Variants in PCDH15 observed in about 807,000 individuals in gnomAD.
PCDH15 encodes the protein protocadherin related 15.
PCDH15 carries 129 observed loss-of-function variants against 178.5 expected under a neutral mutation model. That is an observed-to-expected ratio of 0.72 (90% CI 0.63 to 0.84). The LOEUF is 0.84. PCDH15 is among the 40% of genes least tolerant of loss of function. PCDH15 has a pLI of 0.00. For synonymous variants in PCDH15, 800 were observed against 732.0 expected (o/e 1.09, Z -1.50); for missense variants, 2,230 against 2,099.9 (o/e 1.06, Z -1.21).
At chr10:55,141,019 C>T (rs900236794) in intron 2 of PCDH15, among the ~76,000 whole-genome samples, 18 of 151,918 alleles carry the variant, frequency 1.2e-4, no homozygotes, top group African/African-American at 3.9e-4. Flanking sequence ...TTTTATTTTT[C>T]CTTTTTTAAA....
At position 53,806,833 on chromosome 10, in the gene PCDH15, C is replaced by T. The variant is rs757435335; in HGVS notation, c.4969G>A (p.Gly1657Arg). The change falls in exon 38 of 38, where the codon GGG becomes AGG. Residue 1657 changes from glycine (G) to arginine (R), a missense_variant. Coordinates refer to ENST00000644397, the MANE Select transcript of PCDH15 (RefSeq NM_001384140.1). Reference sequence around the variant, plus strand: ...TTCATTTTTTCAGTAGAAAATGGCCCCTTTGATAATGTGTTCAGAGGTACA... The same window carrying T: ...TTCATTTTTTCAGTAGAAAATGGCCTCTTTGATAATGTGTTCAGAGGTACA... The part of the protein sequence containing the change: ...ENVPLNTLSK[G>R]PFSTEKMNAR... 3 of 1,613,840 alleles carry T rather than the reference C, an allele frequency of 1.9e-6. No individual in the cohort carries two copies. The highest frequency in any genetic ancestry group is 2.5e-6 in the Non-Finnish European group (3 of 1,179,818).
At chr10:55,595,515 G>C (rs1388085107) in intron 2 of PCDH15, among the ~76,000 whole-genome samples, 1 of 151,974 alleles carries the variant, frequency 6.6e-6, no homozygotes, top group African/African-American at 2.4e-5. Flanking sequence ...TGAATCACTG[G>C]GCCAAGGACC....
chr10:53,920,646 A>G (rs1004154081), intron 25 of PCDH15, among the ~76,000 whole-genome samples: 4 of 152,190 alleles, frequency 2.6e-5, no homozygotes, highest in Non-Finnish European at 5.9e-5. Flanking sequence ...CTTGAACTTT[A>G]TCTGTTCCTT....
At chr10:54,946,878 C>G (rs1253801055) in intron 2 of PCDH15, among the ~76,000 whole-genome samples, 1 of 151,804 alleles carries the variant, frequency 6.6e-6, no homozygotes, top group Non-Finnish European at 1.5e-5. Context: ...TAATTCAATT[C>G]ACAAAACATT....
At chr10:55,059,140 TG>T (rs1365961766) in intron 2 of PCDH15, among the ~76,000 whole-genome samples, 1 of 152,162 alleles carries the variant, frequency 6.6e-6, no homozygotes, top group African/African-American at 2.4e-5. Flanking sequence ...CAAAGTTAGA[TG>T]GTTTTTAAGA....
At chr10:55,041,639 T>C (rs1840865449) in intron 2 of PCDH15, among the ~76,000 whole-genome samples, 1 of 152,064 alleles carries the variant, frequency 6.6e-6, no homozygotes, top group African/African-American at 2.4e-5. Flanking sequence ...AGGGGGAATA[T>C]TGGTTACTGT....
chr10:54,950,963 T>G (rs1185140788), intron 2 of PCDH15, among the ~76,000 whole-genome samples: 2 of 151,994 alleles, frequency 1.3e-5, no homozygotes, highest in Non-Finnish European at 2.9e-5. Context: ...AAATACAGTT[T>G]GCAAATATTT....
chr10:55,547,401 T>C (rs190550998), intron 2 of PCDH15, among the ~76,000 whole-genome samples: 1 of 152,140 alleles, frequency 6.6e-6, no homozygotes, highest in Non-Finnish European at 1.5e-5. Flanking sequence ...GTAATTGTTC[T>C]GACATGGCAT....
At chr10:55,194,668 T>G (rs1402691441) in intron 1 of PCDH15, among the ~76,000 whole-genome samples, 1 of 151,984 alleles carries the variant, frequency 6.6e-6, no homozygotes, top group Non-Finnish European at 1.5e-5. Flanking sequence ...GAAAAATAAC[T>G]AGCAATATAA....
intron 21 of PCDH15, among the ~76,000 whole-genome samples, chr10:53,962,524 T>C (rs2088468328): frequency 6.6e-6 from 1 of 152,200 alleles, no homozygotes; most frequent in South Asian, 2.1e-4. Context: ...ATGACATTAA[T>C]AATGAAGATG....
chr10:55,277,405 A>G (rs575271418), intron 1 of PCDH15, among the ~76,000 whole-genome samples: 1 of 152,138 alleles, frequency 6.6e-6, no homozygotes, highest in Admixed American at 6.5e-5. Context: ...ATCTATCCAC[A>G]TTTTTCAGTT....
chr10:55,409,926 G>A (rs1246570985), intron 2 of PCDH15, among the ~76,000 whole-genome samples: 1 of 152,048 alleles, frequency 6.6e-6, no homozygotes, highest in Non-Finnish European at 1.5e-5. Context: ...AAGAACTGAA[G>A]GCTATAATTA....
intron 1 of PCDH15, among the ~76,000 whole-genome samples, chr10:54,698,507 G>T (rs796524247): frequency 6.6e-6 from 1 of 152,084 alleles, no homozygotes; most frequent in Admixed American, 6.6e-5. Flanking sequence ...TCAGCCAGGG[G>T]AAATGGAATG....
Position 54,133,880 on chromosome 10 carries a change from T to C in PCDH15, c.1785-873A>G, listed in dbSNP as rs150509360. 2.2e-3 allele frequency among the ~76,000 whole-genome samples: 227 copies of C among 102,474 alleles called. 4 individuals carry two copies. The highest frequency in any genetic ancestry group is 8.6e-3 in the South Asian group (22 of 2,570). 67.2% of individuals were successfully genotyped at this position (102,474 alleles called of 152,430 possible). On this transcript the variant is annotated intron_variant, in intron 14 of 37. Transcript: ENST00000644397. Reference sequence around the variant, plus strand: ...ACATACACACACACACACACACATATATACACATATATACACACACATATA... The same window carrying C: ...ACATACACACACACACACACACATACATACACATATATACACACACATATA...
chr10:54,844,946 A>G (rs1953479897), intron 3 of PCDH15, among the ~76,000 whole-genome samples: 1 of 151,980 alleles, frequency 6.6e-6, no homozygotes. Context: ...AATTAAGAGC[A>G]GGCTTTTTAA....
intron 26 of PCDH15, among the ~76,000 whole-genome samples, chr10:53,872,540 C>T (rs1018971340): frequency 1.3e-5 from 2 of 152,130 alleles, no homozygotes; most frequent in African/African-American, 4.8e-5. Flanking sequence ...ATTTCTCTCT[C>T]CTTCCACAAC....
intron 2 of PCDH15, among the ~76,000 whole-genome samples, chr10:54,929,768 C>T (rs1037270838): frequency 1.1e-4 from 17 of 152,198 alleles, no homozygotes; most frequent in Admixed American, 9.8e-4. Context: ...GCAACTATCT[C>T]ACATAGCAAC....
chr10:55,417,771 A>G (rs1838519773), intron 2 of PCDH15, among the ~76,000 whole-genome samples: 1 of 151,516 alleles, frequency 6.6e-6, no homozygotes, highest in Non-Finnish European at 1.5e-5. Context: ...AGGGAAAAAA[A>G]AAACAAGTGA....
intron 2 of PCDH15, among the ~76,000 whole-genome samples, chr10:55,527,955 T>A (rs933593123): frequency 3.3e-5 from 5 of 152,066 alleles, no homozygotes; most frequent in African/African-American, 9.7e-5. Flanking sequence ...TTAATAACAT[T>A]TTTTGTGGAC....
Sources: gnomAD v4.1 joint callset for allele counts (sites outside exome capture counted in the v4.1 genomes callset) on GRCh38, gnomAD v4.1.1 for gene constraint, MANE v1.5 for transcripts, NCBI Gene and HGNC (gene_info 2026-07-23, HGNC 2026-07-21) for gene names.